The following ANKRD66 variants were observed in gnomAD, a reference collection of about 807,000 sequenced individuals.
ANKRD66 encodes the protein ankyrin repeat domain 66, also known as ankyrin repeat domain-containing protein 66.
Under a neutral mutation model 10.9 loss-of-function variants are expected in ANKRD66, and 10 were observed. The observed-to-expected ratio is 0.91, with a 90% CI of 0.56 to 1.55. The LOEUF is 1.55. ANKRD66 is among the 40% of genes most tolerant of loss of function. ANKRD66 has a pLI of 0.00. For missense variants in ANKRD66, 252 were observed against 242.9 expected (o/e 1.04, Z -0.25); for synonymous variants, 85 against 88.4 (o/e 0.96, Z 0.22).
intron 1 of ANKRD66, among the ~76,000 whole-genome samples, chr6:46,747,835 C>T (rs1322354526): frequency 6.6e-6 from 1 of 152,178 alleles, no homozygotes; most frequent in Non-Finnish European, 1.5e-5. Context: ...CAGACTTTCC[C>T]ATTTCAAAAC....
chr6:46,752,233 T>C, intron 3 of ANKRD66, 122 bp downstream of exon 3: 1 of 1,159,522 alleles, frequency 8.6e-7, no homozygotes, highest in Non-Finnish European at 1.1e-6. Flanking sequence ...GAAACTTCAT[T>C]TCATTTTTTT....
chr6:46,747,478 C>T (rs1766168223), intron 1 of ANKRD66, among the ~76,000 whole-genome samples: 1 of 152,172 alleles, frequency 6.6e-6, no homozygotes, highest in Non-Finnish European at 1.5e-5. Context: ...CATCGCAGCC[C>T]TAGGCTGCCT....
rs1280134370 is a variant in ANKRD66 at position 46,758,943 on chromosome 6, G to A, written c.*22G>A. The A allele has an allele frequency of 6.6e-7, 1 of 1,520,822 alleles. No individual in the cohort carries two copies. The allele number at this position is 1,520,822 out of a possible 1,614,324, so 94.2% of individuals were successfully genotyped here. On this transcript the variant is annotated 3_prime_UTR_variant, in exon 5 of 5. Transcript: ENST00000565422. ...ATGAGAACTCAACCTTATGTTTTCT[G>A]GCAAGGAACTTTCCCTGGTGCCAGA...
chr6:46,758,112 C>T (rs926980810), intron 4 of ANKRD66: 1 of 152,202 alleles, frequency 6.6e-6, no homozygotes, highest in Admixed American at 6.5e-5. Flanking sequence ...CATATTGGTT[C>T]AAAAGTGACT....
Position 46,752,014 on chromosome 6 carries a change from C to A in ANKRD66, c.66C>A (p.Ser22Arg). ...AAGCTGTGGCTGCAGGAGACTACAGCTTAGTGAAGAAGATTTTGAAGAAAG... is the reference window on the plus strand; with the variant it reads ...AAGCTGTGGCTGCAGGAGACTACAGATTAGTGAAGAAGATTTTGAAGAAAG... ...LHQAVAAGDYSLVKKILKKGL... is the reference protein window; with the variant it reads ...LHQAVAAGDYRLVKKILKKGL... The change falls in exon 3 of 5, where the codon AGC becomes AGA. Residue 22 changes from serine to arginine, a missense_variant. By Grantham distance (110) the Ser-to-Arg change is moderately radical (BLOSUM62 -1). Transcript: ENST00000565422. 2.0e-6 allele frequency: 3 copies of A among 1,536,160 alleles called. No individual in the cohort carries two copies. The highest frequency in any genetic ancestry group is 2.6e-6 in the Non-Finnish European group (3 of 1,140,506).
intron 4 of ANKRD66, chr6:46,758,177 G>GTA (rs1353489005): frequency 6.6e-6 from 1 of 152,140 alleles, no homozygotes; most frequent in Non-Finnish European, 1.5e-5. Flanking sequence ...ATACAAAACT[G>GTA]TATATGTGTG....
intron 4 of ANKRD66, chr6:46,757,189 G>A (rs570055693): frequency 1.3e-5 from 2 of 152,260 alleles, no homozygotes; most frequent in Admixed American, 1.3e-4. Context: ...AGAGCGTTTA[G>A]GGAGAAGAAT....
chr6:46,752,896 A>C (rs1245877537), intron 3 of ANKRD66, among the ~76,000 whole-genome samples: 1 of 152,248 alleles, frequency 6.6e-6, no homozygotes, highest in Non-Finnish European at 1.5e-5. Context: ...GCCTTTGGCA[A>C]TAGAAAGCCA....
intron 4 of ANKRD66, 141 bp from the exon 5 acceptor site, chr6:46,758,582 T>A (rs968917921): frequency 1.4e-6 from 1 of 732,758 alleles, no homozygotes; most frequent in Non-Finnish European, 2.1e-6. Flanking sequence ...CTTCCCTAAG[T>A]GTATGCTTGG....
chr6:46,750,038 C>G, intron 2 of ANKRD66, 59 bp downstream of exon 2: 1 of 881,748 alleles, frequency 1.1e-6, no homozygotes, highest in Non-Finnish European at 1.8e-6. Flanking sequence ...GGGGCTGCTG[C>G]TGCTGCTGGT....
chr6:46,756,534 A>G (rs922844244), intron 4 of ANKRD66: 1 of 154,326 alleles, frequency 6.5e-6, no homozygotes, highest in African/African-American at 2.4e-5. Context: ...GAACTTTAAC[A>G]TATAATATAG....
intron 3 of ANKRD66, 120 bp downstream of exon 3, chr6:46,752,231 A>G (rs1766285896): frequency 3.4e-6 from 4 of 1,177,938 alleles, no homozygotes. Context: ...TGGAAACTTC[A>G]TTTCATTTTT....
chr6:46,753,865 A>G lies in ANKRD66; in HGVS notation c.307A>G (p.Ile103Val), dbSNP rs1472488781. The G allele has an allele frequency of 6.4e-7, 1 of 1,551,740 alleles. No homozygotes were observed. The highest frequency in any genetic ancestry group is 8.7e-7 in the Non-Finnish European group (1 of 1,147,004). Residue 103 changes from isoleucine to valine, a missense_variant, in exon 4 of 5, where the codon ATC becomes GTC. Ile to Val is a conservative substitution (Grantham distance 29). Transcript: ENST00000565422. ...LKTLHALHAAIDAPDFFGDTP... is the reference protein window; with the variant it reads ...LKTLHALHAAVDAPDFFGDTP... ...AACTCTCCATGCATTGCACGCTGCC[A>G]TCGACGCCCCTGACTTCTTTGGAGA...
In ANKRD66 at chr6:46,748,062, T is replaced by A. The variant is rs77943623; in HGVS notation, c.-97+1072T>A. On this transcript the variant is annotated intron_variant, in intron 1 of 4. Transcript: ENST00000565422. ...AAACTCTTAGAGGAAAACACAGGAA[T>A]ACATCTTTGTGAGGGAGAGGACCAA... is the stretch of plus-strand genomic sequence containing the variant. 3.5e-3 allele frequency among the ~76,000 whole-genome samples: 537 copies of A among 152,304 alleles called. 5 individuals carry two copies. Among genetic ancestry groups the A allele is most frequent in the African/African-American group, 0.012 (490 of 41,560 alleles).
intron 2 of ANKRD66, among the ~76,000 whole-genome samples, chr6:46,751,491 ATT>A (rs751205531): frequency 2.6e-5 from 4 of 151,384 alleles, no homozygotes; most frequent in Non-Finnish European, 5.9e-5. Flanking sequence ...ATCCAATATA[ATT>A]TTTTTTTGCA....
At chr6:46,756,165 C>T (rs961955659) in intron 4 of ANKRD66, 1 of 388,082 alleles carries the variant, frequency 2.6e-6, no homozygotes, top group South Asian at 1.9e-5. Flanking sequence ...TCATGGTAAA[C>T]ATTAGGTCCT....
intron 2 of ANKRD66, among the ~76,000 whole-genome samples, chr6:46,750,891 A>G (rs1766255642): frequency 6.6e-6 from 1 of 152,194 alleles, no homozygotes; most frequent in African/African-American, 2.4e-5. Context: ...ATTAAAATCC[A>G]TTGGTCTACC....
chr6:46,753,515 G>A (rs1019110484), intron 3 of ANKRD66, among the ~76,000 whole-genome samples: 1 of 152,110 alleles, frequency 6.6e-6, no homozygotes, highest in African/African-American at 2.4e-5. Flanking sequence ...TCAGGCCCTG[G>A]GTGGGAACAA....
intron 4 of ANKRD66, 109 bp downstream of exon 4, chr6:46,754,059 T>C (rs1582606914): frequency 1.1e-6 from 1 of 921,984 alleles, no homozygotes. Context: ...AATGAGGAAA[T>C]CCAGCCAATG....
Sources: gnomAD v4.1 joint callset for allele counts (sites outside exome capture counted in the v4.1 genomes callset) on GRCh38, gnomAD v4.1.1 for gene constraint, MANE v1.5 for transcripts, NCBI Gene and HGNC (gene_info 2026-07-23, HGNC 2026-07-21) for gene names.